The following ANXA10 variants were observed in gnomAD, a reference collection of about 807,000 sequenced individuals.
ANXA10 encodes annexin 14.
In ANXA10, 49 loss-of-function variants were observed where a neutral mutation model predicts 53.5. The observed-to-expected ratio is 0.92, with a 90% confidence interval of 0.73 to 1.16. ANXA10 has a LOEUF of 1.16. Ranked by LOEUF, ANXA10 falls within the 50% of genes most tolerant of loss-of-function variation. The pLI is 0.00. For synonymous variants in ANXA10, 131 were observed against 128.9 expected (o/e 1.02, Z -0.11); for missense variants, 393 against 394.4 (o/e 1.00, Z 0.03).
chr4:168,131,163 A>C (rs1201540825), intron 2 of ANXA10, among the ~76,000 whole-genome samples: 1 of 151,808 alleles, frequency 6.6e-6, no homozygotes, highest in Non-Finnish European at 1.5e-5. Context: ...ATAAATTTTG[A>C]GTCATATTTT....
intron 5 of ANXA10, 147 bp downstream of exon 5, chr4:168,164,435 G>A: frequency 1.6e-6 from 1 of 612,836 alleles, no homozygotes; most frequent in Non-Finnish European, 2.8e-6. Flanking sequence ...AACTCATTAG[G>A]TAAAACCGAT....
intron 1 of ANXA10, among the ~76,000 whole-genome samples, chr4:168,116,572 C>A (rs1036750421): frequency 2.6e-5 from 4 of 151,982 alleles, no homozygotes; most frequent in East Asian, 1.9e-4. Flanking sequence ...CCCCACCCCC[C>A]AAAAAATAAC....
At chr4:168,095,358 C>A (rs1730524974) in intron 1 of ANXA10, among the ~76,000 whole-genome samples, 1 of 151,878 alleles carries the variant, frequency 6.6e-6, no homozygotes, top group Non-Finnish European at 1.5e-5. Flanking sequence ...TAACTTTAAT[C>A]CTATTCCCTT....
chr4:168,172,131 T>G (rs1158168726), intron 6 of ANXA10, among the ~76,000 whole-genome samples: 1 of 152,232 alleles, frequency 6.6e-6, no homozygotes, highest in African/African-American at 2.4e-5. Context: ...TTCTGGTACT[T>G]ACATCAATTA....
chr4:168,164,218 T>C lies in ANXA10; in HGVS notation c.330T>C (p.Asn110=), dbSNP rs367660107. The change falls in exon 5 of 12, where the codon AAT becomes AAC. Residue 110 remains asparagine (N), a synonymous_variant. Coordinates refer to ENST00000359299, the MANE Select transcript of ANXA10 (RefSeq NM_007193.5). Reference sequence around the variant, plus strand: ...TCTAGGGAGTAGGCACTGATGAGAATTGCCTCATTGAAATACTAGCTTCAA... The same window carrying C: ...TCTAGGGAGTAGGCACTGATGAGAACTGCCTCATTGAAATACTAGCTTCAA... ...HAMKGVGTDE[N]CLIEILASRT... is the part of the protein sequence containing the mutation. The C allele has an allele frequency of 6.2e-6, 10 of 1,612,124 alleles. No individual in the cohort carries two copies. Among genetic ancestry groups the C allele is most frequent in the Admixed American group, 1.7e-5 (1 of 59,940 alleles).
At chr4:168,155,910 T>TATCA (rs528248963) in intron 3 of ANXA10, among the ~76,000 whole-genome samples, 1 of 2,214 alleles carries the variant, frequency 4.5e-4, no homozygotes, top group Non-Finnish European at 8.4e-4. Context: ...ATATCATATA[T>TATCA]TATATTATAT....
chr4:168,116,806 G>A (rs1017674826), intron 1 of ANXA10, among the ~76,000 whole-genome samples: 3 of 152,088 alleles, frequency 2.0e-5, no homozygotes, highest in African/African-American at 7.2e-5. Context: ...TTTTCCAGAA[G>A]TAGGGATGTG....
chr4:168,169,438 T>C (rs1030795737), intron 6 of ANXA10, among the ~76,000 whole-genome samples: 1 of 152,180 alleles, frequency 6.6e-6, no homozygotes, highest in Non-Finnish European at 1.5e-5. Flanking sequence ...AAGAAAATTA[T>C]TTTCCTAAGG....
chr4:168,123,961 G>T (rs1447772199), intron 1 of ANXA10, among the ~76,000 whole-genome samples: 1 of 152,014 alleles, frequency 6.6e-6, no homozygotes. Context: ...TCCTTTACTT[G>T]CAAGAACAGT....
intron 3 of ANXA10, among the ~76,000 whole-genome samples, chr4:168,155,694 A>G (rs1731613024): frequency 2.7e-5 from 1 of 37,440 alleles, no homozygotes. Context: ...AAAATATATA[A>G]TATATTATAA....
At chr4:168,169,047 T>C (rs746463414) in intron 6 of ANXA10, among the ~76,000 whole-genome samples, 3 of 152,198 alleles carry the variant, frequency 2.0e-5, no homozygotes, top group Non-Finnish European at 2.9e-5. Flanking sequence ...GGAGAAAAGA[T>C]AATTTGGTTT....
At chr4:168,174,841 T>C (rs1164106655) in intron 6 of ANXA10, among the ~76,000 whole-genome samples, 1 of 152,168 alleles carries the variant, frequency 6.6e-6, no homozygotes, top group Non-Finnish European at 1.5e-5. Context: ...AGTCGAGGCA[T>C]TGAATTTTCA....
chr4:168,120,023 A>C (rs1730959492), intron 1 of ANXA10, among the ~76,000 whole-genome samples: 1 of 152,016 alleles, frequency 6.6e-6, no homozygotes, highest in Non-Finnish European at 1.5e-5. Context: ...CTATAATAGC[A>C]TAGGATAGCT....
At chr4:168,148,356 G>A (rs2319710) in intron 3 of ANXA10, among the ~76,000 whole-genome samples, 56,652 of 151,666 alleles carry the variant, frequency 0.37, 12,407 homozygotes, top group African/African-American at 0.61. Context: ...TAGTAGAGAC[G>A]GGGTTTCACC....
intron 1 of ANXA10, among the ~76,000 whole-genome samples, chr4:168,096,177 G>T (rs767401215): frequency 2.0e-5 from 3 of 152,118 alleles, no homozygotes; most frequent in Non-Finnish European, 2.9e-5. Flanking sequence ...TGTTGATAAG[G>T]CAAGATTATT....
chr4:168,114,666 A>T (rs1730863612), intron 1 of ANXA10, among the ~76,000 whole-genome samples: 1 of 152,088 alleles, frequency 6.6e-6, no homozygotes, highest in Non-Finnish European at 1.5e-5. Flanking sequence ...GAAAGGATCC[A>T]ATGTGTGCTG....
chr4:168,144,983 G>A (rs1031837356), intron 3 of ANXA10, among the ~76,000 whole-genome samples: 1 of 152,152 alleles, frequency 6.6e-6, no homozygotes, highest in Admixed American at 6.5e-5. Flanking sequence ...CAAAAACTTG[G>A]GGATTGGGAT....
At chr4:168,159,098 G>T (rs1731738372) in intron 3 of ANXA10, among the ~76,000 whole-genome samples, 2 of 152,092 alleles carry the variant, frequency 1.3e-5, no homozygotes, top group Admixed American at 1.3e-4. Context: ...CCCAGCCACA[G>T]GTTTTTCTTT....
chr4:168,144,151 T>C (rs922298828), intron 3 of ANXA10, among the ~76,000 whole-genome samples: 1 of 151,930 alleles, frequency 6.6e-6, no homozygotes, highest in Non-Finnish European at 1.5e-5. Context: ...TAATTAAGTG[T>C]CCTCTCTCCA....
Sources: allele counts gnomAD v4.1 joint callset (sites outside exome capture counted in the v4.1 genomes callset), GRCh38; gene constraint gnomAD v4.1.1; transcripts MANE v1.5; gene names NCBI Gene and HGNC (gene_info 2026-07-23, HGNC 2026-07-21).